Variants in DPYD observed in about 807,000 individuals in gnomAD.
DPYD encodes dihydropyrimidine dehydrogenase [NADP(+)].
DPYD carries 109 observed loss-of-function variants against 116.2 expected under a neutral mutation model. That is an observed-to-expected ratio of 0.94 (90% CI 0.80 to 1.10). The LOEUF is 1.10. Ranked by LOEUF, DPYD falls within the 50% of genes least tolerant of loss-of-function variation. The pLI is 0.00. For missense variants in DPYD, 1,302 were observed against 1,254.5 expected, an observed-to-expected ratio of 1.04 and a Z score of -0.57; for synonymous variants, 440 against 432.0, an observed-to-expected ratio of 1.02 and a Z score of -0.23.
intron 11 of DPYD, among the ~76,000 whole-genome samples, chr1:97,570,608 G>A (rs1410129795): frequency 2.6e-5 from 4 of 151,880 alleles, no homozygotes; most frequent in Non-Finnish European, 5.9e-5. Flanking sequence ...TTAGAAATTT[G>A]AACTGGGGTA....
At chr1:97,237,443 T>A (rs959292734) in intron 18 of DPYD, among the ~76,000 whole-genome samples, 1 of 152,148 alleles carries the variant, frequency 6.6e-6, no homozygotes, top group Admixed American at 6.5e-5. Flanking sequence ...TAGTTAGGAA[T>A]ATTCAATGCT....
chr1:97,880,729 T>G (rs1293313799), intron 2 of DPYD, among the ~76,000 whole-genome samples: 2 of 151,974 alleles, frequency 1.3e-5, no homozygotes, highest in South Asian at 4.1e-4. Context: ...AATATTTCAT[T>G]TTTTTGTTCT....
chr1:97,696,362 A>G (rs1169788331), intron 6 of DPYD, among the ~76,000 whole-genome samples: 4 of 152,104 alleles, frequency 2.6e-5, no homozygotes, highest in African/African-American at 9.7e-5. Context: ...CTAGGATTTG[A>G]ATGTATAAAT....
At chr1:97,114,216 C>G (rs1008017104) in intron 20 of DPYD, among the ~76,000 whole-genome samples, 1 of 151,980 alleles carries the variant, frequency 6.6e-6, no homozygotes, top group Non-Finnish European at 1.5e-5. Context: ...TGGACATTAC[C>G]GTATGTTCTT....
chr1:97,409,456 C>G (rs1673855330), intron 14 of DPYD, among the ~76,000 whole-genome samples: 1 of 152,044 alleles, frequency 6.6e-6, no homozygotes, highest in African/African-American at 2.4e-5. Context: ...ATCAAGGTAC[C>G]TGATACATAG....
chr1:97,429,989 C>T (rs1318454870), intron 14 of DPYD, among the ~76,000 whole-genome samples: 1 of 152,080 alleles, frequency 6.6e-6, no homozygotes, highest in Non-Finnish European at 1.5e-5. Flanking sequence ...TGGAACCAAT[C>T]TCTTTAACCC....
chr1:97,729,363 G>A lies in DPYD; in HGVS notation c.322-7692C>T, dbSNP rs1262251100. Among the ~76,000 whole-genome samples the A allele has an allele frequency of 1.3e-5, 2 of 151,868 alleles. 1 individual carries two copies. On this transcript the variant is annotated intron_variant, in intron 4 of 22. Transcript: ENST00000370192. The stretch of plus-strand genomic sequence containing the variant: ...AAGATCAAAATTCCTTCTTCGTCAG[G>A]CATATTTATATTATGCATTTTTTAA...
intron 1 of DPYD, among the ~76,000 whole-genome samples, chr1:97,919,711 T>C (rs1257619190): frequency 1.3e-5 from 2 of 152,148 alleles, no homozygotes; most frequent in African/African-American, 4.8e-5. Flanking sequence ...GTTAAATATA[T>C]CATATTGCTC....
chr1:97,229,699 C>T (rs115125858), intron 19 of DPYD, among the ~76,000 whole-genome samples: 5,296 of 151,380 alleles, frequency 0.035, 284 homozygotes, highest in African/African-American at 0.12. Flanking sequence ...CTTTAAATTT[C>T]TACAGATTAG....
At chr1:97,199,616 T>G (rs572282569) in intron 19 of DPYD, among the ~76,000 whole-genome samples, 2 of 152,052 alleles carry the variant, frequency 1.3e-5, no homozygotes, top group East Asian at 3.9e-4. Flanking sequence ...TATTTTTATT[T>G]GCATTAAATA....
At chr1:97,450,021 T>C in intron 14 of DPYD, 38 bp downstream of exon 14, 1 of 1,612,600 alleles carries the variant, frequency 6.2e-7, no homozygotes, top group Non-Finnish European at 8.5e-7. Flanking sequence ...CACCAACTTA[T>C]GCCAATTCTC....
chr1:97,306,023 C>G (rs1308591258), intron 17 of DPYD, among the ~76,000 whole-genome samples, 154 bp downstream of exon 17: 1 of 151,802 alleles, frequency 6.6e-6, no homozygotes, highest in Non-Finnish European at 1.5e-5. Flanking sequence ...GTGTAAATCT[C>G]CTGTGTTTGT....
Position 97,773,541 on chromosome 1 carries a change from C to A in DPYD, c.234-33062G>T, listed in dbSNP as rs1232127075. 3.9e-5 allele frequency among the ~76,000 whole-genome samples: 6 copies of A among 152,134 alleles called. No homozygotes were observed. In the South Asian group the frequency reaches 6.2e-4, roughly 16 times the overall value. Reference sequence around the variant, plus strand: ...CCACTCTGACCCACCATGCTCCCCCCATCCTGTGCCTATAAAAACCCCGAG... The same window carrying A: ...CCACTCTGACCCACCATGCTCCCCCAATCCTGTGCCTATAAAAACCCCGAG... On this transcript the variant is annotated intron_variant, in intron 3 of 22. Transcript: ENST00000370192.
chr1:97,537,747 T>G (rs1490419768), intron 12 of DPYD, among the ~76,000 whole-genome samples: 1 of 152,192 alleles, frequency 6.6e-6, no homozygotes, highest in Non-Finnish European at 1.5e-5. Flanking sequence ...ATGTCCAAAT[T>G]AGATGAAATT....
At chr1:97,506,179 G>C (rs1439591126) in intron 13 of DPYD, among the ~76,000 whole-genome samples, 2 of 151,914 alleles carry the variant, frequency 1.3e-5, no homozygotes, top group Admixed American at 6.6e-5. Flanking sequence ...GCCAATGTAG[G>C]TATGCCTTTA....
At chr1:97,406,572 GCC>G (rs932499547) in intron 14 of DPYD, among the ~76,000 whole-genome samples, 7 of 141,226 alleles carry the variant, frequency 5.0e-5, no homozygotes, top group Non-Finnish European at 9.2e-5. Context: ...CCCCCGACAG[GCC>G]CCAGTGTGTG....
At chr1:97,355,371 T>C (rs1243328431) in intron 16 of DPYD, among the ~76,000 whole-genome samples, 1 of 152,202 alleles carries the variant, frequency 6.6e-6, no homozygotes, top group African/African-American at 2.4e-5. Flanking sequence ...AACATATCCA[T>C]CACCTAAAAT....
chr1:97,105,734 C>A (rs138346502), intron 20 of DPYD, among the ~76,000 whole-genome samples: 75 of 152,098 alleles, frequency 4.9e-4, no homozygotes, highest in African/African-American at 1.7e-3. Context: ...AAGTAGAGGA[C>A]GACATGCACA....
Position 97,920,877 on chromosome 1 carries a change from T to G in DPYD, c.39+7A>C. The G allele has an allele frequency of 6.3e-7, 1 of 1,591,662 alleles. No homozygotes were observed. The highest frequency in any genetic ancestry group is 8.5e-7 in the Non-Finnish European group (1 of 1,169,672). ...CCACCACCGACGAGCCGGCGCGAAG[T>G]CCGTACCTCGATGTCCGCCGAGTCC... On this transcript the variant is annotated splice_region_variant and intron_variant, in intron 1 of 22. Coordinates refer to ENST00000370192, the MANE Select transcript of DPYD (RefSeq NM_000110.4).
Sources: allele counts gnomAD v4.1 joint callset (sites outside exome capture counted in the v4.1 genomes callset), GRCh38; gene constraint gnomAD v4.1.1; transcripts MANE v1.5; gene names NCBI Gene and HGNC (gene_info 2026-07-23, HGNC 2026-07-21).